Variants in NR2F1-AS1 observed in about 807,000 individuals in gnomAD.
NR2F1-AS1 encodes NR2F1 regulatory antisense RNA 1, also known as NR2F1 antisense RNA 1.
At position 93,553,190 on chromosome 5, in the gene NR2F1-AS1, C is replaced by T. The variant is rs543403813; in HGVS notation, n.638+571G>A. Among the ~76,000 whole-genome samples the T allele has an allele frequency of 3.5e-5, 5 of 144,258 alleles. No individual in the cohort carries two copies. In the South Asian group the frequency reaches 6.6e-4, roughly 19 times the overall value. 94.6% of individuals were successfully genotyped at this position (144,258 alleles called of 152,430 possible). A position where few individuals can be genotyped will look rare whatever the true frequency, so the allele number is the denominator to read the frequency against. On this transcript the variant is annotated intron_variant and non_coding_transcript_variant, in intron 4 of 5. Transcript: ENST00000660523. ...TGTCACCCAGGCCGGAGTGCAGTGG[C>T]GTGATCTCACCTCACTGCGACCCCT...
At chr5:93,449,362 A>G (rs1294319367) in intron 4 of NR2F1-AS1, among the ~76,000 whole-genome samples, 1 of 152,224 alleles carries the variant, frequency 6.6e-6, no homozygotes, top group East Asian at 1.9e-4. Context: ...TAACACTCCA[A>G]CATTTCTTAC....
chr5:93,571,483 G>T (rs1158876463), intron 1 of NR2F1-AS1: 4 of 150,286 alleles, frequency 2.7e-5, no homozygotes, highest in Non-Finnish European at 4.4e-5. Flanking sequence ...GCGGAAGGAC[G>T]GAACCACATG....
At chr5:93,553,562 C>T (rs1752281494) in intron 4 of NR2F1-AS1, among the ~76,000 whole-genome samples, 1 of 152,132 alleles carries the variant, frequency 6.6e-6, no homozygotes, top group African/African-American at 2.4e-5. Flanking sequence ...TCACAGATAA[C>T]AAATTATAAC....
At chr5:93,421,932 G>A (rs1036803289) in intron 4 of NR2F1-AS1, among the ~76,000 whole-genome samples, 4 of 152,050 alleles carry the variant, frequency 2.6e-5, no homozygotes, top group South Asian at 2.1e-4. Flanking sequence ...CTTAAATTAC[G>A]GCTTTCAGAA....
chr5:93,419,850 G>A (rs1023786117), intron 4 of NR2F1-AS1, among the ~76,000 whole-genome samples: 2 of 152,144 alleles, frequency 1.3e-5, no homozygotes, highest in Non-Finnish European at 2.9e-5. Context: ...AGCCAAGGTG[G>A]AGGAGGTAGC....
At chr5:93,439,379 C>T (rs990254088) in intron 4 of NR2F1-AS1, among the ~76,000 whole-genome samples, 3 of 152,140 alleles carry the variant, frequency 2.0e-5, no homozygotes, top group Non-Finnish European at 2.9e-5. Flanking sequence ...CTGCAGGCTC[C>T]GCCCCCCGGG....
At chr5:93,493,166 T>C (rs1005146595) in intron 4 of NR2F1-AS1, among the ~76,000 whole-genome samples, 1 of 152,112 alleles carries the variant, frequency 6.6e-6, no homozygotes, top group Non-Finnish European at 1.5e-5. Context: ...AAAAACCTAC[T>C]AGTGCTAATA....
intron 4 of NR2F1-AS1, among the ~76,000 whole-genome samples, chr5:93,446,648 A>G (rs185549189): frequency 5.1e-4 from 77 of 152,336 alleles, no homozygotes; most frequent in African/African-American, 1.8e-3. Context: ...CATAGATTCA[A>G]TGCTATCCCC....
At chr5:93,567,951 A>G (rs1450663336) in intron 1 of NR2F1-AS1, among the ~76,000 whole-genome samples, 1 of 152,200 alleles carries the variant, frequency 6.6e-6, no homozygotes, top group African/African-American at 2.4e-5. Context: ...TGTCCATCCA[A>G]CTACAAAGTG....
At chr5:93,540,607 C>A (rs991354896) in intron 4 of NR2F1-AS1, among the ~76,000 whole-genome samples, 1 of 152,176 alleles carries the variant, frequency 6.6e-6, no homozygotes, top group Non-Finnish European at 1.5e-5. Context: ...GTAGTTTTAA[C>A]ATGATTTTTG....
At chr5:93,425,959 T>C (rs1424304658) in intron 4 of NR2F1-AS1, among the ~76,000 whole-genome samples, 20 of 152,040 alleles carry the variant, frequency 1.3e-4, no homozygotes, top group Non-Finnish European at 1.5e-5. Context: ...CTCCCTGGGA[T>C]ATGCCTACAT....
At chr5:93,525,345 A>G (rs990527459) in intron 4 of NR2F1-AS1, among the ~76,000 whole-genome samples, 4 of 152,338 alleles carry the variant, frequency 2.6e-5, no homozygotes, top group Middle Eastern at 3.4e-3. Context: ...ATAAAGGAGC[A>G]CCCAGATTCA....
At chr5:93,413,859 A>C (rs188141325) in intron 4 of NR2F1-AS1, among the ~76,000 whole-genome samples, 6 of 152,270 alleles carry the variant, frequency 3.9e-5, no homozygotes, top group African/African-American at 1.4e-4. Flanking sequence ...CCCTCATTCA[A>C]AACCTTAATT....
At chr5:93,529,012 G>A (rs984063920) in intron 4 of NR2F1-AS1, among the ~76,000 whole-genome samples, 13 of 151,988 alleles carry the variant, frequency 8.6e-5, no homozygotes, top group African/African-American at 2.9e-4. Context: ...AAACCTGCAC[G>A]TTCTGCACAT....
intron 4 of NR2F1-AS1, among the ~76,000 whole-genome samples, chr5:93,482,049 T>G (rs985954917): frequency 6.6e-6 from 1 of 151,190 alleles, no homozygotes; most frequent in Non-Finnish European, 1.5e-5. Flanking sequence ...TAATAAAGAT[T>G]AGAGAAAAGA....
At chr5:93,499,070 T>C (rs2149884591) in intron 4 of NR2F1-AS1, among the ~76,000 whole-genome samples, 1 of 152,298 alleles carries the variant, frequency 6.6e-6, no homozygotes, top group South Asian at 2.1e-4. Context: ...AACTGAATAA[T>C]ACTGTAAAAT....
Position 93,571,863 on chromosome 5 carries a change from A to ATT in NR2F1-AS1, n.314-8402_314-8401dup, listed in dbSNP as rs11436754. Among the ~76,000 whole-genome samples the ATT allele has an allele frequency of 1.3e-3, 199 of 150,614 alleles. 1 individual carries two copies. The highest frequency in any genetic ancestry group is 1.9e-3 in the Admixed American group (29 of 15,136). ...CTTTGCAAACGGAAAAGGCAATATGATTTTTTTTTTCATTTTAGGATTTGT... is the reference window on the plus strand; with the variant it reads ...CTTTGCAAACGGAAAAGGCAATATGATTTTTTTTTTTTCATTTTAGGATTTGT... On this transcript the variant is annotated intron_variant and non_coding_transcript_variant, in intron 1 of 5. Transcript: ENST00000660523.
intron 4 of NR2F1-AS1, among the ~76,000 whole-genome samples, chr5:93,522,678 G>A (rs1751526688): frequency 1.3e-5 from 2 of 151,544 alleles, no homozygotes; most frequent in African/African-American, 2.4e-5. Flanking sequence ...TTAGACAGTG[G>A]GTGCAGCCCA....
At chr5:93,447,478 A>AG (rs1263002943) in intron 4 of NR2F1-AS1, among the ~76,000 whole-genome samples, 2 of 152,232 alleles carry the variant, frequency 1.3e-5, no homozygotes, top group African/African-American at 4.8e-5. Flanking sequence ...TGGTCATCAG[A>AG]GAAATGCAAA....
Sources: allele counts gnomAD v4.1 joint callset (sites outside exome capture counted in the v4.1 genomes callset), GRCh38; gene constraint gnomAD v4.1.1; transcripts MANE v1.5; gene names NCBI Gene and HGNC (gene_info 2026-07-23, HGNC 2026-07-21).